The following ECPAS variants were observed in gnomAD, a reference collection of about 807,000 sequenced individuals.
The protein encoded by ECPAS is Ecm29 proteasome adaptor and scaffold.
ECPAS carries 70 observed loss-of-function variants against 255.1 expected under a neutral mutation model. The observed-to-expected ratio is 0.27, with a 90% CI of 0.23 to 0.33. ECPAS has a LOEUF of 0.33. Ranked by LOEUF, ECPAS falls within the 10% of genes least tolerant of loss-of-function variation. The pLI is 1.00. For missense variants in ECPAS, 1,817 were observed against 2,206.4 expected, an observed-to-expected ratio of 0.82 and a Z score of 3.54; for synonymous variants, 784 against 775.0, an observed-to-expected ratio of 1.01 and a Z score of -0.19.
At chr9:111,471,084 C>A (rs1228059202) in intron 2 of ECPAS, among the ~76,000 whole-genome samples, 1 of 152,186 alleles carries the variant, frequency 6.6e-6, no homozygotes, top group Non-Finnish European at 1.5e-5. Flanking sequence ...CCCAAAGCAG[C>A]TAATTACTTA....
rs191651276 is a variant in ECPAS, at chr9:111,473,355, A to G, written c.-82-355T>C. ...CATTAATTAGAAGTGTTTCAATTAC[A>G]TAATAGTTTTATAAGAAGTGTTACT... On this transcript the variant is annotated intron_variant, in intron 1 of 49. Coordinates refer to ENST00000684092, the MANE Select transcript of ECPAS (RefSeq NM_001364929.1). Among the ~76,000 whole-genome samples the G allele has an allele frequency of 5.9e-5, 9 of 152,334 alleles. No homozygotes were observed. The East Asian group carries it at 1.7e-3, about 29-fold the overall frequency.
chr9:111,434,027 C>T (rs1270621652), intron 7 of ECPAS, among the ~76,000 whole-genome samples: 1 of 152,148 alleles, frequency 6.6e-6, no homozygotes, highest in Non-Finnish European at 1.5e-5. Context: ...ATGAATTTCA[C>T]TACAAATGAC....
intron 28 of ECPAS, among the ~76,000 whole-genome samples, chr9:111,392,375 C>T (rs1310265631): frequency 3.3e-5 from 5 of 152,166 alleles, no homozygotes; most frequent in African/African-American, 1.2e-4. Context: ...AAAAACTATC[C>T]TTCCTACAAG....
chr9:111,419,246 A>T (rs1445415073), intron 16 of ECPAS, among the ~76,000 whole-genome samples: 1 of 152,208 alleles, frequency 6.6e-6, no homozygotes, highest in African/African-American at 2.4e-5. Context: ...TCATCTCCCC[A>T]AATAAGGCTA....
chr9:111,474,533 T>C (rs1008074995), intron 1 of ECPAS, among the ~76,000 whole-genome samples: 2 of 152,206 alleles, frequency 1.3e-5, no homozygotes, highest in African/African-American at 4.8e-5. Context: ...TTGCAATCAG[T>C]GTTACACCAA....
chr9:111,412,192 C>G, intron 20 of ECPAS, 44 bp from the exon 21 acceptor site: 1 of 1,456,018 alleles, frequency 6.9e-7, no homozygotes, highest in Non-Finnish European at 9.0e-7. Flanking sequence ...TGACACAGAA[C>G]CACGTGCCTG....
intron 2 of ECPAS, among the ~76,000 whole-genome samples, chr9:111,468,774 G>A (rs1396576028): frequency 6.6e-6 from 1 of 151,174 alleles, no homozygotes; most frequent in Non-Finnish European, 1.5e-5. Context: ...AGAAACTAAA[G>A]TATAGGGAAT....
At chr9:111,449,842 G>A (rs1003032553) in intron 3 of ECPAS, among the ~76,000 whole-genome samples, 2 of 151,946 alleles carry the variant, frequency 1.3e-5, no homozygotes, top group Non-Finnish European at 2.9e-5. Flanking sequence ...CATGCACTGG[G>A]GACATCACTG....
chr9:111,456,758 TCTC>T (rs542544763), intron 2 of ECPAS, among the ~76,000 whole-genome samples: 25 of 152,238 alleles, frequency 1.6e-4, no homozygotes, highest in African/African-American at 6.0e-4. Context: ...AAGCACTCAT[TCTC>T]CTATCTAGGT....
Position 111,430,271 on chromosome 9 carries a change from T to A in ECPAS, c.930+276A>T, listed in dbSNP as rs561603267. ...TCAGCAGCTGCAACCTGAGAGACCA[T>A]AAGGCCTGCAAAGCCTACAAAATTT... On this transcript the variant is annotated intron_variant, in intron 9 of 49. Coordinates refer to ENST00000684092, the MANE Select transcript of ECPAS (RefSeq NM_001364929.1). Among the ~76,000 whole-genome samples the A allele has an allele frequency of 7.9e-5, 12 of 152,286 alleles. No homozygotes were observed. In the South Asian group the frequency reaches 2.5e-3, roughly 32 times the overall value.
intron 35 of ECPAS, among the ~76,000 whole-genome samples, chr9:111,382,733 CCTAGACAGCA>C (rs2098142294): frequency 6.6e-6 from 1 of 152,114 alleles, no homozygotes; most frequent in Admixed American, 6.6e-5. Context: ...AGATAAAGTT[CCTAGACAGCA>C]CTGTACTTTA....
intron 35 of ECPAS, among the ~76,000 whole-genome samples, chr9:111,380,199 A>T (rs1237268574): frequency 6.6e-6 from 1 of 152,256 alleles, no homozygotes; most frequent in East Asian, 1.9e-4. Flanking sequence ...ATGTTGTGTT[A>T]TGCTAACAGC....
chr9:111,466,248 C>A (rs1196481895), intron 2 of ECPAS, among the ~76,000 whole-genome samples: 1 of 151,980 alleles, frequency 6.6e-6, no homozygotes, highest in African/African-American at 2.4e-5. Flanking sequence ...GAGTTCAAGA[C>A]CAGCCAGGCC....
chr9:111,366,982 C>T (rs2098121118), intron 46 of ECPAS, among the ~76,000 whole-genome samples: 1 of 152,060 alleles, frequency 6.6e-6, no homozygotes, highest in African/African-American at 2.4e-5. Flanking sequence ...AACCACACTC[C>T]CTTTGCCCCT....
intron 24 of ECPAS, among the ~76,000 whole-genome samples, chr9:111,397,994 T>C (rs10817172): frequency 0.012 from 1,863 of 152,320 alleles, 35 homozygotes; most frequent in African/African-American, 0.041. Context: ...TGACCCAACA[T>C]GTAACTACCT....
intron 20 of ECPAS, 117 bp from the exon 21 acceptor site, chr9:111,412,265 A>T (rs910550469): frequency 1.1e-6 from 1 of 898,344 alleles, no homozygotes; most frequent in South Asian, 2.7e-5. Context: ...AGAAAAAAAC[A>T]AGCCATTATT....
rs199594107 is a variant in ECPAS, at chr9:111,372,436, G to A, written c.4521C>T (p.Asn1507=). The change falls in exon 42 of 50, where the codon AAC becomes AAT. Residue 1507 remains asparagine, a synonymous_variant. Transcript: ENST00000684092. ...CNLWTEVWQE[N]VPGSFGGIRL... is the part of the protein sequence containing the mutation. ...TCAGGCCACACTACTAACCAGGTAC[G>A]TTTTCCTGCCACACTTCGGTCCATA... 1.2e-5 allele frequency: 19 copies of A among 1,613,520 alleles called. No individual in the cohort carries two copies. In the East Asian group the frequency reaches 1.6e-4, roughly 13 times the overall value.
intron 20 of ECPAS, 135 bp from the exon 21 acceptor site, chr9:111,412,283 A>T (rs924232277): frequency 3.4e-5 from 26 of 775,582 alleles, no homozygotes; most frequent in Non-Finnish European, 4.2e-5. Context: ...ATTTGAAAAC[A>T]AAATGAAAGC....
chr9:111,456,546 C>G (rs2098267241), intron 2 of ECPAS, among the ~76,000 whole-genome samples: 1 of 152,192 alleles, frequency 6.6e-6, no homozygotes, highest in South Asian at 2.1e-4. Flanking sequence ...TAGAATGTGT[C>G]TCATTCAGGC....
Sources: gnomAD v4.1 joint callset for allele counts (sites outside exome capture counted in the v4.1 genomes callset) on GRCh38, gnomAD v4.1.1 for gene constraint, MANE v1.5 for transcripts, NCBI Gene and HGNC (gene_info 2026-07-23, HGNC 2026-07-21) for gene names.